The following CDK13 variants were observed in gnomAD, a reference collection of about 807,000 sequenced individuals.
CDK13 encodes the protein cyclin-dependent kinase 13.
A neutral mutation model predicts 137.6 loss-of-function variants in CDK13; 40 were observed. The ratio of observed to expected loss-of-function variants is 0.29; its 90% CI spans 0.23 to 0.38. The LOEUF (loss-of-function observed/expected upper bound fraction) is 0.38. Ranked by LOEUF, CDK13 falls within the 10% of genes least tolerant of loss-of-function variation. CDK13 has a pLI of 1.00. For synonymous variants in CDK13, 869 were observed against 760.1 expected, an observed-to-expected ratio of 1.14 and a Z score of -2.36; for missense variants, 1,704 against 1,951.8, an observed-to-expected ratio of 0.87 and a Z score of 2.39.
At position 39,950,778 on chromosome 7, in the gene CDK13, CG is replaced by C; in HGVS notation, c.138del (p.Gln47SerfsTer94). The C allele has an allele frequency of 6.8e-7, 1 of 1,473,080 alleles. No homozygotes were observed. The highest frequency in any genetic ancestry group is 8.9e-7 in the Non-Finnish European group (1 of 1,119,486). The allele number at this position is 1,473,080 out of a possible 1,614,324, so 91.3% of individuals were successfully genotyped here. ...QPPLLLPLLQPQLLQPPPPPP... is the reference protein window; with the variant it reads ...QPPLLLPLLQXQLLQPPPPPP... Reference sequence around the variant, plus strand: ...CCGCTGCTGTTGCCGCTCCTGCAGCCGCAGCTCCTGCAACCGCCGCCGCCCC... The same window carrying C: ...CCGCTGCTGTTGCCGCTCCTGCAGCCCAGCTCCTGCAACCGCCGCCGCCCC... On this transcript the variant is annotated frameshift_variant, in exon 1 of 14. Coordinates refer to ENST00000181839, the MANE Select transcript of CDK13 (RefSeq NM_003718.5). LOFTEE classifies it high-confidence loss of function.
rs58010602 is a variant in CDK13, at chr7:40,024,645, GTTT to G, written c.2354-21160_2354-21158del. ...TCTTCCAAGATATCTGTAGCTCTGT[GTTT>G]TTTTTTTTTTTTTTTTTTTTTTTTT... is the stretch of plus-strand genomic sequence containing the variant. On this transcript the variant is annotated intron_variant, in intron 5 of 13. Transcript: ENST00000181839. 3.2e-3 allele frequency among the ~76,000 whole-genome samples: 159 copies of G among 50,248 alleles called. 1 individual carries two copies. Among genetic ancestry groups the G allele is most frequent in the African/African-American group, 6.8e-3 (81 of 11,934 alleles). The allele number at this position is 50,248 out of a possible 152,430, so 33.0% of individuals were successfully genotyped here. A position where few individuals can be genotyped will look rare whatever the true frequency, so the allele number is the denominator to read the frequency against.
chr7:40,077,801 A>G (rs1161680542), intron 9 of CDK13, among the ~76,000 whole-genome samples: 1 of 152,218 alleles, frequency 6.6e-6, no homozygotes, highest in Non-Finnish European at 1.5e-5. Context: ...GATTGCAGTG[A>G]GCTGAGATTG....
intron 5 of CDK13, among the ~76,000 whole-genome samples, chr7:40,008,624 A>C (rs887539147): frequency 6.6e-6 from 1 of 152,240 alleles, no homozygotes; most frequent in Non-Finnish European, 1.5e-5. Context: ...AACCTACCCA[A>C]TAAGTCAGGG....
chr7:40,003,295 T>C (rs1223862614), intron 5 of CDK13, among the ~76,000 whole-genome samples: 1 of 152,022 alleles, frequency 6.6e-6, no homozygotes, highest in Non-Finnish European at 1.5e-5. Context: ...ATAAAGGAAC[T>C]GTTTGAAAGT....
At chr7:40,008,550 A>T (rs1784838044) in intron 5 of CDK13, among the ~76,000 whole-genome samples, 1 of 152,224 alleles carries the variant, frequency 6.6e-6, no homozygotes, top group Non-Finnish European at 1.5e-5. Context: ...TAATTGTTGG[A>T]ATTTCAGTTG....
chr7:39,982,562 C>A (rs898147156), intron 1 of CDK13, among the ~76,000 whole-genome samples: 1 of 152,072 alleles, frequency 6.6e-6, no homozygotes, highest in African/African-American at 2.4e-5. Flanking sequence ...AATGGTATTT[C>A]TAGTTCTAGA....
At chr7:40,017,146 A>G (rs1217841455) in intron 5 of CDK13, among the ~76,000 whole-genome samples, 1 of 152,150 alleles carries the variant, frequency 6.6e-6, no homozygotes, top group Admixed American at 6.5e-5. Context: ...AAAAACAGAG[A>G]TAGTATTCTG....
intron 1 of CDK13, among the ~76,000 whole-genome samples, chr7:39,981,238 C>T (rs181418631): frequency 4.6e-5 from 7 of 152,012 alleles, no homozygotes; most frequent in African/African-American, 1.4e-4. Flanking sequence ...TGTGGTGGTG[C>T]GCGCCTGTAG....
chr7:39,971,407 C>G (rs34326687), intron 1 of CDK13, among the ~76,000 whole-genome samples: 40,586 of 151,968 alleles, frequency 0.27, 6,555 homozygotes, highest in Middle Eastern at 0.45. Flanking sequence ...ATCCCAGCTA[C>G]TCGGAAGGCT....
In CDK13 at chr7:40,094,768, C is replaced by A. The variant is rs371026668; in HGVS notation, c.4327C>A (p.Pro1443Thr). 3.1e-6 allele frequency: 5 copies of A among 1,612,566 alleles called. No homozygotes were observed. In the African/African-American group the frequency reaches 6.7e-5, roughly 22 times the overall value. ...TGCAGTCCTGGCAAACAGCAGTGACCCTTCCACGGGGCCAGAGAGTACTCA... is the reference window on the plus strand; with the variant it reads ...TGCAGTCCTGGCAAACAGCAGTGACACTTCCACGGGGCCAGAGAGTACTCA... ...PIAVLANSSD[P>T]STGPESTHPL... The change falls in exon 14 of 14, where the codon CCT becomes ACT. Residue 1443 changes from proline to threonine, a missense_variant. Physicochemically the swap from Pro to Thr is conservative, Grantham distance 38 (BLOSUM62 -1). Transcript: ENST00000181839.
At chr7:39,974,829 A>G (rs946176501) in intron 1 of CDK13, among the ~76,000 whole-genome samples, 20 of 152,044 alleles carry the variant, frequency 1.3e-4, no homozygotes, top group Non-Finnish European at 2.9e-4. Context: ...CTCCCAAAGT[A>G]CTGGGATTAC....
chr7:39,963,687 A>G (rs1256373331), intron 1 of CDK13, among the ~76,000 whole-genome samples: 1 of 152,200 alleles, frequency 6.6e-6, no homozygotes, highest in East Asian at 1.9e-4. Context: ...GAGAGAGGGC[A>G]TCCCTGTCTT....
chr7:40,045,756 C>T (rs1785723096), intron 5 of CDK13, 80 bp from the exon 6 acceptor site: 3 of 891,590 alleles, frequency 3.4e-6, no homozygotes, highest in Non-Finnish European at 5.3e-6. Flanking sequence ...CCTCTACCAG[C>T]CTTTTATTGT....
chr7:40,034,491 TA>T (rs1785443667), intron 5 of CDK13, among the ~76,000 whole-genome samples: 1 of 152,202 alleles, frequency 6.6e-6, no homozygotes, highest in African/African-American at 2.4e-5. Context: ...TTAAAGATTA[TA>T]ACATATCTCT....
rs528686005 is a variant in CDK13 at position 39,969,332 on chromosome 7, T to A, written c.1211+17480T>A. ...TAGCCTCAGGTGTTATTTTTATCTA[T>A]GAAGTCTTCATTAATCTCGTTCAGA... On this transcript the variant is annotated intron_variant, in intron 1 of 13. Coordinates refer to ENST00000181839, the MANE Select transcript of CDK13 (RefSeq NM_003718.5). Among the ~76,000 whole-genome samples, 8 of 152,284 alleles carry A rather than the reference T, an allele frequency of 5.3e-5. No homozygotes were observed. The South Asian group carries it at 1.7e-3, about 32-fold the overall frequency.
chr7:40,047,215 G>T (rs543593755), intron 6 of CDK13, among the ~76,000 whole-genome samples: 45 of 152,218 alleles, frequency 3.0e-4, no homozygotes, highest in African/African-American at 1.1e-3. Context: ...TCTTGGAAGT[G>T]TGTACACACA....
At position 40,094,143 on chromosome 7, in the gene CDK13, C is replaced by G. The variant is rs776311257; in HGVS notation, c.3702C>G (p.Leu1234=). Reference sequence around the variant, plus strand: ...TGTTTCACTTAGGACAAGATGACCTCATCCAGCATCAAGATATGAGGATCT... The same window carrying G: ...TGTTTCACTTAGGACAAGATGACCTGATCCAGCATCAAGATATGAGGATCT... The part of the protein sequence containing the change: ...PSTPVSGQDD[L]IQHQDMRILE... The change falls in exon 14 of 14, where the codon CTC becomes CTG. Residue 1234 remains leucine (L), a synonymous_variant. Transcript: ENST00000181839. 1 of 1,613,842 alleles carries G rather than the reference C, an allele frequency of 6.2e-7. No homozygotes were observed.
At chr7:40,002,923 C>G (rs1230433495) in intron 5 of CDK13, among the ~76,000 whole-genome samples, 4 of 149,570 alleles carry the variant, frequency 2.7e-5, no homozygotes, top group South Asian at 4.2e-4. Flanking sequence ...AAAAAACAAC[C>G]AGAAAATTGG....
intron 2 of CDK13, among the ~76,000 whole-genome samples, chr7:39,989,196 A>G (rs779464489): frequency 8.9e-5 from 13 of 146,728 alleles, no homozygotes; most frequent in Non-Finnish European, 2.0e-4. Flanking sequence ...CTTATTTTTT[A>G]TTGAGAAACA....
Sources: allele counts gnomAD v4.1 joint callset (sites outside exome capture counted in the v4.1 genomes callset), GRCh38; gene constraint gnomAD v4.1.1; transcripts MANE v1.5; gene names NCBI Gene and HGNC (gene_info 2026-07-23, HGNC 2026-07-21).